Variants in ABCB5 observed in about 807,000 individuals in gnomAD.
ABCB5 encodes ATP binding cassette subfamily B member 5, also known as ATP-binding cassette sub-family B member 5.
ABCB5 carries 155 observed loss-of-function variants against 144.2 expected under a neutral mutation model. The ratio of observed to expected loss-of-function variants is 1.08; its 90% CI spans 0.94 to 1.23. The LOEUF (loss-of-function observed/expected upper bound fraction) is 1.23, where lower values mean the gene tolerates loss of function less well. Ranked by LOEUF, ABCB5 falls within the 50% of genes most tolerant of loss-of-function variation. The pLI is 0.00. For missense variants in ABCB5, 1,830 were observed against 1,520.8 expected, an observed-to-expected ratio of 1.20 and a Z score of -3.38; for synonymous variants, 610 against 528.6, an observed-to-expected ratio of 1.15 and a Z score of -2.11.
intron 26 of ABCB5, among the ~76,000 whole-genome samples, chr7:20,749,997 G>A (rs1782866529): frequency 6.6e-6 from 1 of 152,142 alleles, no homozygotes; most frequent in African/African-American, 2.4e-5. Context: ...GTAAAAAGCT[G>A]GCACTTAAAT....
In ABCB5 at chr7:20,728,337, A is replaced by G. The variant is rs1270007056; in HGVS notation, c.2749A>G (p.Ile917Val). Residue 917 changes from isoleucine to valine, a missense_variant, in exon 23 of 28, where the codon ATT (isoleucine) becomes GTT (valine). Coordinates refer to ENST00000404938, the MANE Select transcript of ABCB5 (RefSeq NM_001163941.2). ...CAGAAATACCTCGAAGAAAGCACAG[A>G]TTATTGGAAGCTGTTATGCATTCAG... Reference protein sequence around the residue: ...QHRNTSKKAQIIGSCYAFSHA... With the variant: ...QHRNTSKKAQVIGSCYAFSHA... 1.2e-5 allele frequency: 20 copies of G among 1,613,954 alleles called. No individual in the cohort carries two copies. The highest frequency in any genetic ancestry group is 1.5e-5 in the Non-Finnish European group (18 of 1,179,976).
In ABCB5 at chr7:20,681,060, CTTTCTT is replaced by C. The variant is rs1205498832; in HGVS notation, c.1708-443_1708-438del. Among the ~76,000 whole-genome samples the C allele has an allele frequency of 6.5e-3, 68 of 10,440 alleles. 7 individuals carry two copies. The highest frequency in any genetic ancestry group is 0.062 in the East Asian group (3 of 48). The allele number at this position is 10,440 out of a possible 152,430, so 6.8% of individuals were successfully genotyped here. A position where few individuals can be genotyped will look rare whatever the true frequency, so the allele number is the denominator to read the frequency against. Reference sequence around the variant, plus strand: ...TCTTTCTTTCTTTCTCTCTCTCTCTCTTTCTTTCTTTCTTTCTTTCTTTCTTTCTTT... The same window carrying C: ...TCTTTCTTTCTTTCTCTCTCTCTCTCTCTTTCTTTCTTTCTTTCTTTCTTT... On this transcript the variant is annotated intron_variant, in intron 14 of 27. Coordinates refer to ENST00000404938, the MANE Select transcript of ABCB5 (RefSeq NM_001163941.2).
chr7:20,700,943 G>T (rs17218190), intron 19 of ABCB5, among the ~76,000 whole-genome samples: 1 of 152,010 alleles, frequency 6.6e-6, no homozygotes, highest in Non-Finnish European at 1.5e-5. Flanking sequence ...CCATTTTTAA[G>T]TCTTATGACT....
At chr7:20,631,937 C>T (rs546662650) in intron 4 of ABCB5, 122 bp from the exon 5 acceptor site, 235 of 450,192 alleles carry the variant, frequency 5.2e-4, no homozygotes, top group South Asian at 2.7e-3. Context: ...TAATAAACTG[C>T]GTGTGGGCAG....
chr7:20,657,368 T>C (rs1301600177), intron 13 of ABCB5, among the ~76,000 whole-genome samples: 1 of 152,258 alleles, frequency 6.6e-6, no homozygotes, highest in Non-Finnish European at 1.5e-5. Context: ...CTTTGTGTTT[T>C]CTTGTGTGTT....
chr7:20,716,462 A>G (rs1344151492), intron 20 of ABCB5, among the ~76,000 whole-genome samples: 1 of 152,094 alleles, frequency 6.6e-6, no homozygotes, highest in Non-Finnish European at 1.5e-5. Flanking sequence ...AGCATTTAGT[A>G]TTTTTTTAGG....
rs1300175417 is a variant in ABCB5 at position 20,618,572 on chromosome 7, C to T, written c.-22+2735C>T. ...AGCACCTTCTCCCCTTCCTCTCTCCCACCTCTGATAGTCTCCAGTGGCTAT... is the reference window on the plus strand; with the variant it reads ...AGCACCTTCTCCCCTTCCTCTCTCCTACCTCTGATAGTCTCCAGTGGCTAT... On this transcript the variant is annotated intron_variant, in intron 1 of 27. Transcript: ENST00000404938. Among the ~76,000 whole-genome samples the T allele has an allele frequency of 2.8e-4, 43 of 152,004 alleles. 1 individual carries two copies. The highest frequency in any genetic ancestry group is 2.8e-3 in the Admixed American group (43 of 15,242).
At position 20,645,756 on chromosome 7, in the gene ABCB5, A is replaced by T. The variant is rs916524957; in HGVS notation, c.679A>T (p.Met227Leu). 1.2e-6 allele frequency: 2 copies of T among 1,613,552 alleles called. No homozygotes were observed. The highest frequency in any genetic ancestry group is 1.3e-5 in the African/African-American group (1 of 74,924). ...IMASAAACSRMVISLTSKELS... is the reference protein window; with the variant it reads ...IMASAAACSRLVISLTSKELS... Reference sequence around the variant, plus strand: ...TAACTGTGGTTGTGGTTTATTACAGATGGTCATCTCATTGACCAGTAAGGA... The same window carrying T: ...TAACTGTGGTTGTGGTTTATTACAGTTGGTCATCTCATTGACCAGTAAGGA... The change falls in exon 8 of 28, where the codon ATG becomes TTG. Residue 227 changes from methionine to leucine, a missense_variant and splice_region_variant. By Grantham distance (15) the Met-to-Leu change is conservative. Transcript: ENST00000404938.
intron 16 of ABCB5, among the ~76,000 whole-genome samples, chr7:20,690,309 A>T (rs188511408): frequency 2.0e-5 from 3 of 152,226 alleles, no homozygotes; most frequent in Non-Finnish European, 4.4e-5. Flanking sequence ...CATCATTATT[A>T]TATCTTATGT....
chr7:20,743,192 G>T, intron 25 of ABCB5, 118 bp downstream of exon 25: 1 of 1,087,558 alleles, frequency 9.2e-7, no homozygotes, highest in Non-Finnish European at 1.3e-6. Flanking sequence ...AAGTTAAAAA[G>T]AAAAAAAATC....
In ABCB5 at chr7:20,623,305, C is replaced by G; in HGVS notation, c.20C>G (p.Ala7Gly). 6.5e-7 allele frequency: 1 copy of G among 1,548,432 alleles called. No homozygotes were observed. The change falls in exon 2 of 28, where the codon GCT (alanine) becomes GGT (glycine). Residue 7 changes from alanine (A) to glycine (G), a missense_variant. Physicochemically the swap from Ala to Gly is moderately conservative, Grantham distance 60. Coordinates refer to ENST00000404938, the MANE Select transcript of ABCB5 (RefSeq NM_001163941.2). The part of the protein sequence containing the change: MENSER[A>G]EEMQENYQRN... Reference sequence around the variant, plus strand: ...AATAAGATGGAAAATTCAGAAAGAGCTGAAGAAATGCAAGAAAATTATCAG... The same window carrying G: ...AATAAGATGGAAAATTCAGAAAGAGGTGAAGAAATGCAAGAAAATTATCAG...
At chr7:20,742,153 T>G (rs1782582255) in intron 24 of ABCB5, among the ~76,000 whole-genome samples, 2 of 151,800 alleles carry the variant, frequency 1.3e-5, no homozygotes, top group South Asian at 4.2e-4. Flanking sequence ...GTGGGCAGAT[T>G]GCTTGAGTCC....
At chr7:20,722,697 C>G (rs1180555821) in intron 20 of ABCB5, among the ~76,000 whole-genome samples, 1 of 152,068 alleles carries the variant, frequency 6.6e-6, no homozygotes, top group Non-Finnish European at 1.5e-5. Flanking sequence ...TGGCGGTTGC[C>G]TGTAATCCCA....
intron 14 of ABCB5, among the ~76,000 whole-genome samples, chr7:20,675,734 GA>G (rs1200940944): frequency 4.7e-5 from 7 of 147,650 alleles, no homozygotes; most frequent in East Asian, 3.9e-4. Context: ...CTACAAAAAG[GA>G]AAAAAAAATT....
At chr7:20,749,121 C>G (rs1431641367) in intron 26 of ABCB5, among the ~76,000 whole-genome samples, 1 of 151,166 alleles carries the variant, frequency 6.6e-6, no homozygotes, top group African/African-American at 2.4e-5. Context: ...TCCTTTCTCT[C>G]TCTCTTTCCC....
intron 13 of ABCB5, among the ~76,000 whole-genome samples, chr7:20,652,786 T>C (rs1246889479): frequency 6.6e-6 from 1 of 152,248 alleles, no homozygotes; most frequent in Non-Finnish European, 1.5e-5. Context: ...GCGGAGCACC[T>C]TGTTACATAT....
At chr7:20,668,521 T>G (rs1248912305) in intron 14 of ABCB5, among the ~76,000 whole-genome samples, 1 of 148,068 alleles carries the variant, frequency 6.8e-6, no homozygotes, top group Non-Finnish European at 1.5e-5. Flanking sequence ...AGCCCCTCCG[T>G]CCGGCAGCCA....
At chr7:20,667,597 T>C in intron 14 of ABCB5, 6 of 935,834 alleles carry the variant, frequency 6.4e-6, no homozygotes, top group Non-Finnish European at 7.6e-6. Flanking sequence ...ATCATTGAGC[T>C]AATGGGTCAC....
At chr7:20,731,670 A>T (rs113182301) in intron 23 of ABCB5, among the ~76,000 whole-genome samples, 77 of 152,264 alleles carry the variant, frequency 5.1e-4, no homozygotes, top group African/African-American at 1.8e-3. Flanking sequence ...CCCAAAGGTT[A>T]TCTTCCCCAA....
Sources: allele counts gnomAD v4.1 joint callset (sites outside exome capture counted in the v4.1 genomes callset), GRCh38; gene constraint gnomAD v4.1.1; transcripts MANE v1.5; gene names NCBI Gene and HGNC (gene_info 2026-07-23, HGNC 2026-07-21).